The following SNX14 variants were observed in gnomAD, a reference collection of about 807,000 sequenced individuals.
The protein encoded by SNX14 is sorting nexin 14.
SNX14 carries 93 observed loss-of-function variants against 133.8 expected under a neutral mutation model. That is an observed-to-expected ratio of 0.70 (90% CI 0.59 to 0.83). SNX14 has a LOEUF of 0.83. Ranked by LOEUF, SNX14 falls within the 40% of genes least tolerant of loss-of-function variation. The pLI is 0.00. For missense variants in SNX14, 945 were observed against 1,094.9 expected (o/e 0.86, Z 1.93); for synonymous variants, 368 against 365.6 (o/e 1.01, Z -0.07).
rs558571483 is a variant in SNX14, at chr6:85,540,383, G to A, written c.1449-1519C>T. Among the ~76,000 whole-genome samples the A allele has an allele frequency of 6.6e-5, 10 of 152,254 alleles. No individual in the cohort carries two copies. The South Asian group carries it at 1.9e-3, about 28-fold the overall frequency. On this transcript the variant is annotated intron_variant, in intron 15 of 28. Coordinates refer to ENST00000314673, the MANE Select transcript of SNX14 (RefSeq NM_153816.6). ...CCAAACATCTTATGTCTATAAACAG[G>A]GATAAATTCTACCTGCTTCTCAAGT...
chr6:85,525,331 G>A (rs1778194189), intron 21 of SNX14, among the ~76,000 whole-genome samples: 1 of 152,090 alleles, frequency 6.6e-6, no homozygotes, highest in Non-Finnish European at 1.5e-5. Flanking sequence ...TCTACTAACT[G>A]CAAAATGGTT....
chr6:85,573,952 G>A (rs1338833050), intron 2 of SNX14, among the ~76,000 whole-genome samples: 1 of 151,884 alleles, frequency 6.6e-6, no homozygotes, highest in East Asian at 1.9e-4. Context: ...TCTTTTTATA[G>A]CTCCTCTAAG....
chr6:85,538,442 T>A (rs1231984661), intron 16 of SNX14, among the ~76,000 whole-genome samples: 1 of 152,140 alleles, frequency 6.6e-6, no homozygotes, highest in Non-Finnish European at 1.5e-5. Context: ...CTAAAAACTC[T>A]CACTTATGAT....
At chr6:85,525,058 T>C (rs1778125491) in intron 21 of SNX14, among the ~76,000 whole-genome samples, 3 of 152,158 alleles carry the variant, frequency 2.0e-5, no homozygotes, top group Non-Finnish European at 2.9e-5. Flanking sequence ...TAATAAATAA[T>C]TCATCCAAAA....
intron 26 of SNX14, among the ~76,000 whole-genome samples, chr6:85,508,635 T>A (rs1000254440): frequency 6.6e-6 from 1 of 152,172 alleles, no homozygotes; most frequent in Non-Finnish European, 1.5e-5. Flanking sequence ...GACTTTTGCA[T>A]AAGTTACTAT....
rs73481393 is a variant in SNX14 at position 85,571,864 on chromosome 6, G to A, written c.417+273C>T. ...AATTACAAAATGATATTTCTGCTGC[G>A]CTATCATAAAGATGACTGTTTTCAT... On this transcript the variant is annotated intron_variant, in intron 4 of 28. Coordinates refer to ENST00000314673, the MANE Select transcript of SNX14 (RefSeq NM_153816.6). 0.013 allele frequency among the ~76,000 whole-genome samples: 1,956 copies of A among 152,190 alleles called. 39 individuals are homozygous for A. Among genetic ancestry groups the A allele is most frequent in the African/African-American group, 0.045 (1,848 of 41,510 alleles).
rs1782691619 is a variant in SNX14, at chr6:85,538,728, A to C, written c.1475+110T>G. The stretch of plus-strand genomic sequence containing the variant: ...TCCTAAATAACTAGGATATAATGGC[A>C]GTTAATACCACAGTGTTCCATTTTT... On this transcript the variant is annotated intron_variant, in intron 16 of 28. Transcript: ENST00000314673. The C allele has an allele frequency of 5.0e-6, 4 of 795,208 alleles. No homozygotes were observed. In the African/African-American group the frequency reaches 7.4e-5, roughly 15 times the overall value. 49.3% of individuals were successfully genotyped at this position (795,208 alleles called of 1,614,324 possible).
chr6:85,523,896 G>A (rs1216947435), intron 21 of SNX14, among the ~76,000 whole-genome samples: 1 of 152,232 alleles, frequency 6.6e-6, no homozygotes, highest in African/African-American at 2.4e-5. Flanking sequence ...TGATAGATCA[G>A]ATGGTGACGT....
At chr6:85,506,124 A>T (rs1375994448) in intron 28 of SNX14, 119 bp from the exon 29 acceptor site, 1 of 685,394 alleles carries the variant, frequency 1.5e-6, no homozygotes, top group Non-Finnish European at 2.6e-6. Context: ...AACCAAAATA[A>T]ATTGGCTGGC....
chr6:85,526,268 GT>G, intron 20 of SNX14, 31 bp from the exon 21 acceptor site: 1 of 1,421,014 alleles, frequency 7.0e-7, no homozygotes, highest in Admixed American at 2.0e-5. Flanking sequence ...GGAAAACACA[GT>G]TTAGAAATCT....
At chr6:85,533,398 G>A (rs138246552) in intron 18 of SNX14, among the ~76,000 whole-genome samples, 43 of 152,334 alleles carry the variant, frequency 2.8e-4, no homozygotes, top group African/African-American at 9.6e-4. Flanking sequence ...AATAAGTGTT[G>A]ATTGAATTAG....
At chr6:85,516,477 A>G (rs977878630) in intron 23 of SNX14, among the ~76,000 whole-genome samples, 1 of 152,154 alleles carries the variant, frequency 6.6e-6, no homozygotes, top group Non-Finnish European at 1.5e-5. Context: ...GGAGGCCTAG[A>G]TGACTTTACC....
chr6:85,543,073 G>A, intron 14 of SNX14, 109 bp downstream of exon 14: 2 of 1,116,248 alleles, frequency 1.8e-6, no homozygotes, highest in Non-Finnish European at 2.4e-6. Flanking sequence ...CAGTAATCTT[G>A]TCTTATTTTT....
intron 7 of SNX14, among the ~76,000 whole-genome samples, chr6:85,557,671 T>C (rs536119193): frequency 1.3e-5 from 2 of 152,154 alleles, no homozygotes; most frequent in Non-Finnish European, 2.9e-5. Flanking sequence ...CTAGAATAGG[T>C]CAAAACCATT....
chr6:85,574,506 G>C, intron 1 of SNX14, 128 bp from the exon 2 acceptor site: 1 of 595,536 alleles, frequency 1.7e-6, no homozygotes, highest in East Asian at 3.0e-5. Context: ...TTCAAATTAT[G>C]ATTAATTTTT....
At position 85,513,858 on chromosome 6, in the gene SNX14, G is replaced by A. The variant is rs751657931; in HGVS notation, c.2595C>T (p.Leu865=). 1 of 1,612,940 alleles carries A rather than the reference G, an allele frequency of 6.2e-7. No individual in the cohort carries two copies. The highest frequency in any genetic ancestry group is 1.1e-5 in the South Asian group (1 of 90,922). Residue 865 remains leucine (L), a synonymous_variant, in exon 26 of 29, where the codon CTC becomes CTT. Transcript: ENST00000314673. ...GTTTTGCTCCTTTTTGCTTATCTTGGAGAGAGCGAGGTTCAGTGTTTTCAC... is the reference window on the plus strand; with the variant it reads ...GTTTTGCTCCTTTTTGCTTATCTTGAAGAGAGCGAGGTTCAGTGTTTTCAC... The part of the protein sequence containing the change: ...IFCENTEPRS[L]QDKQKGAKQT...
intron 26 of SNX14, among the ~76,000 whole-genome samples, chr6:85,508,666 C>A (rs1033611991): frequency 9.2e-5 from 14 of 152,046 alleles, no homozygotes; most frequent in African/African-American, 3.4e-4. Context: ...ACAAACCAAT[C>A]ATTTTGGGAA....
Position 85,573,443 on chromosome 6 carries a change from G to A in SNX14, c.261+815C>T, listed in dbSNP as rs148217681. Among the ~76,000 whole-genome samples the A allele has an allele frequency of 1.6e-3, 245 of 152,200 alleles. 2 individuals carry two copies. Among genetic ancestry groups the A allele is most frequent in the Admixed American group, 3.6e-3 (55 of 15,292 alleles). ...TGCAGTGAACCAAAATGGCGCCACCGCACTCCAACCTGGGTGACAGAGCAA... is the reference window on the plus strand; with the variant it reads ...TGCAGTGAACCAAAATGGCGCCACCACACTCCAACCTGGGTGACAGAGCAA... On this transcript the variant is annotated intron_variant, in intron 2 of 28. Transcript: ENST00000314673.
chr6:85,506,817 T>G (rs1297872341), intron 28 of SNX14, among the ~76,000 whole-genome samples: 1 of 152,198 alleles, frequency 6.6e-6, no homozygotes, highest in Non-Finnish European at 1.5e-5. Flanking sequence ...AGTAATAATA[T>G]GACCATGCTC....
Sources: allele counts gnomAD v4.1 joint callset (sites outside exome capture counted in the v4.1 genomes callset), GRCh38; gene constraint gnomAD v4.1.1; transcripts MANE v1.5; gene names NCBI Gene and HGNC (gene_info 2026-07-23, HGNC 2026-07-21).